Variants in DCLK2 observed in about 807,000 individuals in gnomAD.
The protein encoded by DCLK2 is serine/threonine-protein kinase DCLK2.
Under a neutral mutation model 78.4 loss-of-function variants are expected in DCLK2, and 31 were observed. The observed-to-expected ratio is 0.40, with a 90% CI of 0.30 to 0.53. DCLK2 has a LOEUF of 0.53. DCLK2 is among the 20% of genes least tolerant of loss of function. DCLK2 has a pLI of 0.61. For synonymous variants in DCLK2, 407 were observed against 374.9 expected, an observed-to-expected ratio of 1.09 and a Z score of -0.99; for missense variants, 872 against 973.7, an observed-to-expected ratio of 0.90 and a Z score of 1.39.
intron 8 of DCLK2, among the ~76,000 whole-genome samples, chr4:150,229,109 G>T (rs983377349): frequency 2.0e-5 from 3 of 152,162 alleles, no homozygotes; most frequent in Admixed American, 1.3e-4. Flanking sequence ...GGAGGCTGAG[G>T]TGGGAGGATT....
chr4:150,158,226 CTG>C (rs1735457008), intron 2 of DCLK2, among the ~76,000 whole-genome samples: 1 of 152,190 alleles, frequency 6.6e-6, no homozygotes. Flanking sequence ...ACCCTGGCAT[CTG>C]TGTGTGTCCA....
intron 2 of DCLK2, among the ~76,000 whole-genome samples, chr4:150,119,299 C>A (rs554235593): frequency 6.6e-6 from 1 of 152,136 alleles, no homozygotes; most frequent in East Asian, 1.9e-4. Flanking sequence ...CTTCTTTTAT[C>A]CTCTGAGCGA....
intron 12 of DCLK2, among the ~76,000 whole-genome samples, chr4:150,243,906 G>T: frequency 7.3e-6 from 1 of 136,854 alleles, no homozygotes; most frequent in African/African-American, 2.7e-5. Flanking sequence ...GTCTCACTTT[G>T]TTGCCCAGTC....
At chr4:150,183,728 T>A (rs1737699644) in intron 2 of DCLK2, among the ~76,000 whole-genome samples, 2 of 150,908 alleles carry the variant, frequency 1.3e-5, no homozygotes, top group Non-Finnish European at 1.5e-5. Flanking sequence ...GATTTCTTTT[T>A]TTCTTTTTCT....
At chr4:150,149,661 G>A (rs556937581) in intron 2 of DCLK2, among the ~76,000 whole-genome samples, 1 of 152,306 alleles carries the variant, frequency 6.6e-6, no homozygotes, top group Admixed American at 6.5e-5. Flanking sequence ...TTTGGCAGAC[G>A]TGTTATTTCA....
chr4:150,141,965 A>G (rs563490731), intron 2 of DCLK2, among the ~76,000 whole-genome samples: 6 of 152,386 alleles, frequency 3.9e-5, no homozygotes, highest in Admixed American at 2.6e-4. Context: ...AATGCTTGAC[A>G]TATTAAATGC....
At chr4:150,203,431 G>A (rs1739597001) in intron 4 of DCLK2, among the ~76,000 whole-genome samples, 1 of 152,188 alleles carries the variant, frequency 6.6e-6, no homozygotes, top group Admixed American at 6.5e-5. Context: ...TGAAGGTTAT[G>A]GAACAGCCTT....
chr4:150,140,811 GGTACTAGTAAATAT>G (rs1388287572), intron 2 of DCLK2, among the ~76,000 whole-genome samples: 1 of 152,106 alleles, frequency 6.6e-6, no homozygotes, highest in Non-Finnish European at 1.5e-5. Flanking sequence ...TGCAATGATT[GGTACTAGTAAATAT>G]GTACTAGATT....
intron 2 of DCLK2, among the ~76,000 whole-genome samples, chr4:150,151,751 C>A (rs1343320920): frequency 6.6e-6 from 1 of 151,942 alleles, no homozygotes; most frequent in Non-Finnish European, 1.5e-5. Context: ...ATAGTGAAAC[C>A]CCGTCTCTAC....
At chr4:150,169,376 A>G (rs544456676) in intron 2 of DCLK2, among the ~76,000 whole-genome samples, 1 of 152,206 alleles carries the variant, frequency 6.6e-6, no homozygotes, top group South Asian at 2.1e-4. Context: ...GTGGGTTCAG[A>G]GGCCTGGTGC....
chr4:150,192,071 G>A (rs1271096893), intron 2 of DCLK2, among the ~76,000 whole-genome samples: 1 of 152,178 alleles, frequency 6.6e-6, no homozygotes, highest in African/African-American at 2.4e-5. Context: ...AGTCCTAGAA[G>A]ATGGTTCTTC....
At chr4:150,092,423 C>T (rs1416941441) in intron 1 of DCLK2, among the ~76,000 whole-genome samples, 1 of 152,098 alleles carries the variant, frequency 6.6e-6, no homozygotes, top group African/African-American at 2.4e-5. Context: ...ACATTCCCAC[C>T]AACAGTGTAC....
intron 1 of DCLK2, among the ~76,000 whole-genome samples, chr4:150,100,548 T>C (rs76687551): frequency 0.039 from 5,901 of 152,280 alleles, 236 homozygotes; most frequent in Admixed American, 0.084. Flanking sequence ...AAAAATTACC[T>C]TCTTTTGCTA....
At chr4:150,223,887 A>T (rs1455605161) in intron 7 of DCLK2, among the ~76,000 whole-genome samples, 2 of 152,176 alleles carry the variant, frequency 1.3e-5, no homozygotes, top group African/African-American at 2.4e-5. Context: ...TTTGGCTGAG[A>T]AATAATGAAA....
chr4:150,226,654 A>G (rs367806316), intron 8 of DCLK2, among the ~76,000 whole-genome samples: 51 of 152,310 alleles, frequency 3.3e-4, no homozygotes, highest in African/African-American at 1.0e-3. Flanking sequence ...AGGCAAATGG[A>G]TAAGTCAGTT....
intron 5 of DCLK2, among the ~76,000 whole-genome samples, chr4:150,206,202 G>T (rs1317616318): frequency 6.6e-6 from 1 of 152,112 alleles, no homozygotes; most frequent in Non-Finnish European, 1.5e-5. Context: ...GCATACTTGT[G>T]CAGGGTCACT....
intron 2 of DCLK2, among the ~76,000 whole-genome samples, chr4:150,153,710 A>G (rs957442781): frequency 6.6e-6 from 1 of 151,966 alleles, no homozygotes; most frequent in Non-Finnish European, 1.5e-5. Flanking sequence ...CCACTACAAC[A>G]AGCCACAAAC....
intron 15 of DCLK2, chr4:150,254,483 C>G: frequency 2.5e-6 from 1 of 398,806 alleles, no homozygotes; most frequent in Admixed American, 4.4e-5. Flanking sequence ...CCACACACGC[C>G]CCTGTGCTTC....
intron 5 of DCLK2, among the ~76,000 whole-genome samples, chr4:150,216,387 C>T (rs1443186850): frequency 6.6e-6 from 1 of 152,166 alleles, no homozygotes; most frequent in Non-Finnish European, 1.5e-5. Flanking sequence ...GCCTGTAATC[C>T]CAGCACTTTG....
Sources: allele counts gnomAD v4.1 joint callset (sites outside exome capture counted in the v4.1 genomes callset), GRCh38; gene constraint gnomAD v4.1.1; transcripts MANE v1.5; gene names NCBI Gene and HGNC (gene_info 2026-07-23, HGNC 2026-07-21).